Variants in ATXN7L1 observed in about 807,000 individuals in gnomAD.
The protein encoded by ATXN7L1 is ataxin 7 like 1.
A neutral mutation model predicts 70.8 loss-of-function variants in ATXN7L1; 15 were observed. That is an observed-to-expected ratio of 0.21 (90% confidence interval 0.14 to 0.33). ATXN7L1 has a LOEUF of 0.33. Among genes scored for constraint, ATXN7L1 ranks in the 10% least tolerant of loss-of-function variants. The pLI, the probability that ATXN7L1 is intolerant of heterozygous loss-of-function variation, is 1.00. For synonymous variants in ATXN7L1, 440 were observed against 445.1 expected (o/e 0.99, Z 0.14); for missense variants, 975 against 1,097.1 (o/e 0.89, Z 1.57).
intron 2 of ATXN7L1, among the ~76,000 whole-genome samples, chr7:105,805,760 G>A (rs1475881043): frequency 3.3e-5 from 5 of 152,162 alleles, no homozygotes; most frequent in Non-Finnish European, 5.9e-5. Context: ...AGCCCGGGTC[G>A]TGGGAACAGC....
At chr7:105,733,229 A>G (rs1362924207) in intron 3 of ATXN7L1, among the ~76,000 whole-genome samples, 1 of 152,212 alleles carries the variant, frequency 6.6e-6, no homozygotes, top group African/African-American at 2.4e-5. Flanking sequence ...GAAATACATG[A>G]ATGAATGGGT....
chr7:105,875,861 A>G lies in ATXN7L1; in HGVS notation c.201T>C (p.Ala67=), dbSNP rs762658767. The G allele has an allele frequency of 6.2e-7, 1 of 1,613,632 alleles. No homozygotes were observed. The highest frequency in any genetic ancestry group is 1.7e-5 in the Admixed American group (1 of 59,980). ...HCSDNVDLEE[A]GKEGGKSREV... Reference sequence around the variant, plus strand: ...CCCTGCTTTTTCCACCCTCTTTTCCAGCCTCTTCTAAATCTACATCTGCAG... The same window carrying G: ...CCCTGCTTTTTCCACCCTCTTTTCCGGCCTCTTCTAAATCTACATCTGCAG... The change falls in exon 2 of 12, where the codon GCT becomes GCC. Residue 67 remains alanine (A), a synonymous_variant. Coordinates refer to ENST00000419735, the MANE Select transcript of ATXN7L1 (RefSeq NM_020725.2).
chr7:105,710,811 T>C (rs1033817762), intron 3 of ATXN7L1, among the ~76,000 whole-genome samples: 4 of 152,052 alleles, frequency 2.6e-5, no homozygotes, highest in African/African-American at 4.8e-5. Context: ...ACAAGAACAG[T>C]GTATTAGTCC....
intron 3 of ATXN7L1, among the ~76,000 whole-genome samples, chr7:105,765,441 A>G (rs1584951095): frequency 6.6e-6 from 1 of 152,280 alleles, no homozygotes; most frequent in Admixed American, 6.5e-5. Context: ...TGCTGATCCT[A>G]CAAAGCAGAT....
In ATXN7L1 at chr7:105,642,945, G is replaced by A; in HGVS notation, c.755C>T (p.Pro252Leu). The change falls in exon 5 of 12, where the codon CCT becomes CTT. Residue 252 changes from proline to leucine, a missense_variant. By Grantham distance (98) the Pro-to-Leu change is moderately conservative (BLOSUM62 -3). Transcript: ENST00000419735. ...KPVLMSKSVPPSPEKILNGKG... is the reference protein window; with the variant it reads ...KPVLMSKSVPLSPEKILNGKG... ...GCCATTTAAGATCTTCTCTGGTGAA[G>A]GTGGCACTGACTTGGACATCAGGAC... 2 of 1,551,612 alleles carry A rather than the reference G, an allele frequency of 1.3e-6. No individual in the cohort carries two copies. Among genetic ancestry groups the A allele is most frequent in the South Asian group, 1.2e-5 (1 of 84,040 alleles).
At chr7:105,671,031 C>T (rs1189259898) in intron 3 of ATXN7L1, among the ~76,000 whole-genome samples, 18 of 147,362 alleles carry the variant, frequency 1.2e-4, no homozygotes, top group African/African-American at 4.5e-4. Context: ...GGCGTGAACC[C>T]GGGAGGCAGA....
intron 3 of ATXN7L1, among the ~76,000 whole-genome samples, chr7:105,696,919 G>A (rs887352400): frequency 5.3e-5 from 8 of 152,174 alleles, no homozygotes; most frequent in Non-Finnish European, 8.8e-5. Context: ...GGCGTCCGGG[G>A]GAGACATCAC....
At chr7:105,772,749 T>C (rs1802186653) in intron 3 of ATXN7L1, among the ~76,000 whole-genome samples, 1 of 152,118 alleles carries the variant, frequency 6.6e-6, no homozygotes, top group African/African-American at 2.4e-5. Context: ...ATGGCAAGAA[T>C]GAATAAGATT....
chr7:105,764,144 G>A (rs562297023), intron 3 of ATXN7L1, among the ~76,000 whole-genome samples: 1 of 152,204 alleles, frequency 6.6e-6, no homozygotes, highest in South Asian at 2.1e-4. Flanking sequence ...ATGAGCCATG[G>A]TGCCCGGCTG....
chr7:105,721,987 G>A (rs887805058), intron 3 of ATXN7L1, among the ~76,000 whole-genome samples: 1 of 152,238 alleles, frequency 6.6e-6, no homozygotes, highest in Admixed American at 6.5e-5. Context: ...TTTTAAGAGG[G>A]GTGTGTGTGA....
intron 3 of ATXN7L1, among the ~76,000 whole-genome samples, chr7:105,738,010 C>G (rs1797601233): frequency 6.6e-6 from 1 of 152,164 alleles, no homozygotes; most frequent in South Asian, 2.1e-4. Flanking sequence ...CCCACACCAG[C>G]AACATGGAGC....
intron 2 of ATXN7L1, among the ~76,000 whole-genome samples, chr7:105,838,250 G>C (rs1166155945): frequency 6.6e-6 from 1 of 152,022 alleles, no homozygotes; most frequent in Non-Finnish European, 1.5e-5. Flanking sequence ...TTCTTTTTTT[G>C]GTGGAAAATC....
chr7:105,636,734 C>A (rs563702102), intron 7 of ATXN7L1, among the ~76,000 whole-genome samples: 10 of 152,142 alleles, frequency 6.6e-5, no homozygotes, highest in African/African-American at 2.4e-4. Flanking sequence ...TCAAAGAAGG[C>A]TTTCAAACTG....
chr7:105,801,952 G>A (rs992498945), intron 2 of ATXN7L1, among the ~76,000 whole-genome samples: 15 of 152,144 alleles, frequency 9.9e-5, no homozygotes, highest in African/African-American at 3.4e-4. Flanking sequence ...CAAACTCGAC[G>A]GAATGTGGCC....
At chr7:105,693,773 T>G (rs1791355143) in intron 3 of ATXN7L1, among the ~76,000 whole-genome samples, 1 of 152,276 alleles carries the variant, frequency 6.6e-6, no homozygotes, top group Admixed American at 6.5e-5. Flanking sequence ...GGAACCCACA[T>G]AGTGGCTTTC....
chr7:105,814,570 A>G (rs1253686678), intron 2 of ATXN7L1, among the ~76,000 whole-genome samples: 2 of 152,106 alleles, frequency 1.3e-5, no homozygotes, highest in Non-Finnish European at 2.9e-5. Context: ...ACTTTCAGGC[A>G]GTTGCTTTTT....
At chr7:105,801,519 G>A (rs1403763259) in intron 2 of ATXN7L1, among the ~76,000 whole-genome samples, 2 of 152,166 alleles carry the variant, frequency 1.3e-5, no homozygotes, top group African/African-American at 2.4e-5. Flanking sequence ...GGAGACACCC[G>A]CTGATATATT....
chr7:105,649,881 C>T (rs571207384), intron 4 of ATXN7L1, among the ~76,000 whole-genome samples: 1 of 152,268 alleles, frequency 6.6e-6, no homozygotes, highest in South Asian at 2.1e-4. Flanking sequence ...CCAATTCCTT[C>T]GACAAAAGCC....
chr7:105,623,969 G>T (rs1482855728), intron 8 of ATXN7L1, 106 bp downstream of exon 8: 20 of 1,072,122 alleles, frequency 1.9e-5, no homozygotes, highest in Non-Finnish European at 2.2e-5. Context: ...GTAAAACACT[G>T]CGCAGGCAGC....
Sources: allele counts gnomAD v4.1 joint callset (sites outside exome capture counted in the v4.1 genomes callset), GRCh38; gene constraint gnomAD v4.1.1; transcripts MANE v1.5; gene names NCBI Gene and HGNC (gene_info 2026-07-23, HGNC 2026-07-21).